The following FHIT variants were observed in gnomAD, a reference collection of about 807,000 sequenced individuals.
FHIT encodes the protein fragile histidine triad diadenosine triphosphatase.
Under a neutral mutation model 17.9 loss-of-function variants are expected in FHIT, and 19 were observed. That is an observed-to-expected ratio of 1.06 (90% confidence interval 0.74 to 1.56). The LOEUF is 1.56. Among genes scored for constraint, FHIT ranks in the 40% most tolerant of loss-of-function variants. The probability of loss-of-function intolerance (pLI) is 0.00; values close to 1 mark genes in which losing one functional copy is unlikely to be tolerated. For missense variants in FHIT, 248 were observed against 189.2 expected, an observed-to-expected ratio of 1.31 and a Z score of -1.82; for synonymous variants, 81 against 69.7, an observed-to-expected ratio of 1.16 and a Z score of -0.81.
chr3:60,473,249 C>T (rs552963111), intron 5 of FHIT, among the ~76,000 whole-genome samples: 45 of 152,198 alleles, frequency 3.0e-4, no homozygotes, highest in South Asian at 4.1e-4. Flanking sequence ...CTGGCTTCTT[C>T]GATAAAATTC....
intron 3 of FHIT, among the ~76,000 whole-genome samples, chr3:60,946,608 G>A (rs66887095): frequency 0.25 from 38,536 of 151,968 alleles, 6,022 homozygotes; most frequent in East Asian, 0.6. Flanking sequence ...CAGGGCGCTG[G>A]GGGGAACGTC....
At chr3:60,003,326 T>G (rs1321407808) in intron 7 of FHIT, among the ~76,000 whole-genome samples, 16 of 152,150 alleles carry the variant, frequency 1.1e-4, no homozygotes. Flanking sequence ...AACCTGTTCT[T>G]TTATTTTATT....
intron 5 of FHIT, among the ~76,000 whole-genome samples, chr3:60,530,820 T>A (rs979162116): frequency 6.6e-6 from 1 of 152,246 alleles, no homozygotes; most frequent in Non-Finnish European, 1.5e-5. Context: ...TTGGTCAACT[T>A]TGAATGATGA....
Position 60,887,736 on chromosome 3 carries a change from AGT to A in FHIT, c.-110-65727_-110-65726del, listed in dbSNP as rs540076253. On this transcript the variant is annotated intron_variant, in intron 3 of 9. Transcript: ENST00000492590. ...GGGTTCTGACTTCTGGCCAGAATGT[AGT>A]AAATGTCAAGAAATCAGTCACAGCT... is the stretch of plus-strand genomic sequence containing the variant. Among the ~76,000 whole-genome samples, 158 of 152,330 alleles carry A rather than the reference AGT, an allele frequency of 1.0e-3. 1 individual carries two copies. The highest frequency in any genetic ancestry group is 3.7e-3 in the African/African-American group (155 of 41,570).
chr3:60,105,954 T>C lies in FHIT; in HGVS notation c.104-91802A>G, dbSNP rs551817052. On this transcript the variant is annotated intron_variant, in intron 5 of 9. Transcript: ENST00000492590. ...TTCAGTTACCCTTGGTTAACCATGG[T>C]CCAAAAATATTAAATGGAAAATCCC... Among the ~76,000 whole-genome samples, 52 of 152,270 alleles carry C rather than the reference T, an allele frequency of 3.4e-4. 1 individual carries two copies. The South Asian group carries it at 0.01, about 30-fold the overall frequency.
chr3:60,422,316 A>C lies in FHIT; in HGVS notation c.103+114544T>G, dbSNP rs533984059. Among the ~76,000 whole-genome samples, 3 of 152,246 alleles carry C rather than the reference A, an allele frequency of 2.0e-5. No individual in the cohort carries two copies. The South Asian group carries it at 6.2e-4, about 32-fold the overall frequency. ...GCTGTTAGGTATAAGCAGTTGTGCA[A>C]AAGAATCAGTTGTATAGCCAGCCCT... On this transcript the variant is annotated intron_variant, in intron 5 of 9. Coordinates refer to ENST00000492590, the MANE Select transcript of FHIT (RefSeq NM_002012.4).
intron 5 of FHIT, among the ~76,000 whole-genome samples, chr3:60,048,982 G>C (rs927897025): frequency 5.3e-5 from 8 of 151,998 alleles, no homozygotes; most frequent in Non-Finnish European, 1.0e-4. Context: ...AACTGAGTTG[G>C]GCAAGCTCCT....
chr3:60,769,090 A>G (rs571343225), intron 4 of FHIT, among the ~76,000 whole-genome samples: 1 of 152,128 alleles, frequency 6.6e-6, no homozygotes, highest in Non-Finnish European at 1.5e-5. Flanking sequence ...ATATGTACAT[A>G]TATTTATATG....
intron 3 of FHIT, among the ~76,000 whole-genome samples, chr3:60,926,019 A>C (rs1553769754): frequency 6.6e-6 from 1 of 152,238 alleles, no homozygotes; most frequent in Non-Finnish European, 1.5e-5. Flanking sequence ...CCCTAAATAT[A>C]TATGCACCCA....
intron 4 of FHIT, among the ~76,000 whole-genome samples, chr3:60,714,494 G>A (rs1449784569): frequency 3.3e-5 from 5 of 152,202 alleles, no homozygotes; most frequent in Admixed American, 6.5e-5. Flanking sequence ...AAGTCAAATT[G>A]TTCCTGTTTG....
intron 8 of FHIT, among the ~76,000 whole-genome samples, chr3:59,865,883 C>T (rs919982387): frequency 6.6e-6 from 1 of 152,112 alleles, no homozygotes; most frequent in African/African-American, 2.4e-5. Context: ...GAGGCAGGAA[C>T]GGGGAGAGAG....
intron 5 of FHIT, among the ~76,000 whole-genome samples, chr3:60,190,311 C>T (rs1166415050): frequency 6.8e-6 from 1 of 147,994 alleles, no homozygotes; most frequent in East Asian, 2.0e-4. Context: ...AGAAATGACG[C>T]AGTGAAATGG....
At position 59,747,797 on chromosome 3, in the gene FHIT, G is replaced by C. The variant is rs1485724; in HGVS notation, c.*1788C>G. On this transcript the variant is annotated 3_prime_UTR_variant, in exon 10 of 10. Coordinates refer to ENST00000492590, the MANE Select transcript of FHIT (RefSeq NM_002012.4). ...CTTCTTGATATGCCTGCAGGGGTTGGGGGGAGGTGGGTGGGTGGAAAGGAG... is the reference window on the plus strand; with the variant it reads ...CTTCTTGATATGCCTGCAGGGGTTGCGGGGAGGTGGGTGGGTGGAAAGGAG... Among the ~76,000 whole-genome samples, 4,926 of 151,900 alleles carry C rather than the reference G, an allele frequency of 0.032. 216 individuals carry two copies. Among genetic ancestry groups the C allele is most frequent in the East Asian group, 0.12 (618 of 5,144 alleles).
intron 5 of FHIT, among the ~76,000 whole-genome samples, chr3:60,412,218 A>T (rs940951154): frequency 6.6e-6 from 1 of 152,128 alleles, no homozygotes; most frequent in Non-Finnish European, 1.5e-5. Context: ...TCTAAAGGTA[A>T]GTAGATACAT....
intron 1 of FHIT, among the ~76,000 whole-genome samples, chr3:61,238,425 G>C (rs1424583917): frequency 1.3e-5 from 2 of 152,178 alleles, no homozygotes; most frequent in African/African-American, 4.8e-5. Flanking sequence ...AGGTGCAGGG[G>C]AGACAGCCAT....
intron 5 of FHIT, among the ~76,000 whole-genome samples, chr3:60,089,728 C>G (rs1703650642): frequency 6.6e-6 from 1 of 152,128 alleles, no homozygotes; most frequent in South Asian, 2.1e-4. Flanking sequence ...AGATCAAGGT[C>G]CTAGCATCTT....
intron 5 of FHIT, among the ~76,000 whole-genome samples, chr3:60,020,706 T>A (rs1455835641): frequency 6.6e-6 from 1 of 152,208 alleles, no homozygotes; most frequent in African/African-American, 2.4e-5. Context: ...CTCCTAGGCC[T>A]TGTAAATGTT....
intron 3 of FHIT, among the ~76,000 whole-genome samples, chr3:60,965,693 C>T (rs1353488198): frequency 6.6e-6 from 1 of 152,204 alleles, no homozygotes; most frequent in East Asian, 1.9e-4. Flanking sequence ...TTGGAGTTTG[C>T]TGGAGGTCCA....
At chr3:60,401,701 T>A (rs983926271) in intron 5 of FHIT, among the ~76,000 whole-genome samples, 1 of 152,186 alleles carries the variant, frequency 6.6e-6, no homozygotes, top group South Asian at 2.1e-4. Flanking sequence ...TTAAATCTGA[T>A]TATACAATCT....
Sources: allele counts gnomAD v4.1 joint callset (sites outside exome capture counted in the v4.1 genomes callset), GRCh38; gene constraint gnomAD v4.1.1; transcripts MANE v1.5; gene names NCBI Gene and HGNC (gene_info 2026-07-23, HGNC 2026-07-21).